The following ATAD2B variants were observed in gnomAD, a reference collection of about 807,000 sequenced individuals.
The protein encoded by ATAD2B is ATPase family AAA domain containing 2B.
In ATAD2B, 40 loss-of-function variants were observed where a neutral mutation model predicts 167.6. That is an observed-to-expected ratio of 0.24 (90% CI 0.19 to 0.31). ATAD2B has a LOEUF of 0.31. Ranked by LOEUF, ATAD2B falls within the 10% of genes least tolerant of loss-of-function variation. The pLI is 1.00. For synonymous variants in ATAD2B, 579 were observed against 596.5 expected (o/e 0.97, Z 0.43); for missense variants, 1,242 against 1,757.2 (o/e 0.71, Z 5.24).
intron 20 of ATAD2B, among the ~76,000 whole-genome samples, 191 bp from the exon 21 acceptor site, chr2:23,786,414 C>T (rs1680821987): frequency 3.3e-5 from 5 of 151,960 alleles, no homozygotes; most frequent in Admixed American, 3.3e-4. Context: ...AAGAGTATAC[C>T]TGCACAAACC....
At chr2:23,770,743 A>G (rs1283504523) in intron 22 of ATAD2B, among the ~76,000 whole-genome samples, 1 of 152,212 alleles carries the variant, frequency 6.6e-6, no homozygotes, top group South Asian at 2.1e-4. Context: ...AGATTACTGT[A>G]ACTTTTTAAG....
In ATAD2B at chr2:23,834,198, G is replaced by A. The variant is rs796591013; in HGVS notation, c.1569-120C>T. ...TTTTTTTGAGATGGAGTGTCATTCC[G>A]TTGCCCAGGCTGGAGGGCAGTGGTG... On this transcript the variant is annotated intron_variant, in intron 13 of 27. Coordinates refer to ENST00000238789, the MANE Select transcript of ATAD2B (RefSeq NM_017552.4). 20 of 612,580 alleles carry A rather than the reference G, an allele frequency of 3.3e-5. 1 individual carries two copies. The highest frequency in any genetic ancestry group is 2.8e-4 in the African/African-American group (11 of 39,354). 37.9% of individuals were successfully genotyped at this position (612,580 alleles called of 1,614,324 possible). A position where few individuals can be genotyped will look rare whatever the true frequency, so the allele number is the denominator to read the frequency against.
At chr2:23,878,585 G>C (rs1293633443) in intron 7 of ATAD2B, among the ~76,000 whole-genome samples, 1 of 152,050 alleles carries the variant, frequency 6.6e-6, no homozygotes, top group Non-Finnish European at 1.5e-5. Context: ...CATGAACCTG[G>C]GAGGCGGAGC....
chr2:23,782,555 C>T (rs1021224812), intron 22 of ATAD2B, among the ~76,000 whole-genome samples: 3 of 152,044 alleles, frequency 2.0e-5, no homozygotes, highest in Non-Finnish European at 4.4e-5. Context: ...TCCATGAATT[C>T]GAAATTCTGA....
At chr2:23,921,659 G>C (rs998720375) in intron 1 of ATAD2B, among the ~76,000 whole-genome samples, 2 of 152,178 alleles carry the variant, frequency 1.3e-5, no homozygotes, top group African/African-American at 4.8e-5. Flanking sequence ...GAAATAGCCT[G>C]TAACTGAATT....
rs111502441 is a variant in ATAD2B at position 23,862,556 on chromosome 2, G to A, written c.1479+825C>T. Reference sequence around the variant, plus strand: ...CTCTTAAAATATCGGGATTACAGGCGTCAGCCACTGTGCCCAGCTGGAATA... The same window carrying A: ...CTCTTAAAATATCGGGATTACAGGCATCAGCCACTGTGCCCAGCTGGAATA... On this transcript the variant is annotated intron_variant, in intron 12 of 27. Transcript: ENST00000238789. Among the ~76,000 whole-genome samples the A allele has an allele frequency of 7.0e-3, 1,070 of 152,112 alleles. 15 individuals are homozygous for A. Among genetic ancestry groups the A allele is most frequent in the African/African-American group, 0.022 (930 of 41,490 alleles).
At chr2:23,737,887 AG>A in the ATAD2B span, among the ~76,000 whole-genome samples, 15 of 152,342 alleles carry the variant, frequency 9.8e-5, no homozygotes, top group African/African-American at 3.4e-4. Flanking sequence ...AAGGCACGAG[AG>A]CTACGTGACG....
At chr2:23,880,600 C>T in intron 7 of ATAD2B, 39 bp downstream of exon 7, 1 of 1,159,398 alleles carries the variant, frequency 8.6e-7, no homozygotes, top group Non-Finnish European at 1.2e-6. Flanking sequence ...ATAAGTTACT[C>T]AACTACCAGA....
rs536420891 is a variant in ATAD2B at position 23,791,704 on chromosome 2, T to C, written c.2641-3057A>G. On this transcript the variant is annotated intron_variant, in intron 19 of 27. Transcript: ENST00000238789. ...TTCAAGCTTCATCCATGTTACAACA[T>C]GCATCAAAATTTTCTCCTTTTTAAG... is the stretch of plus-strand genomic sequence containing the variant. 7.2e-5 allele frequency among the ~76,000 whole-genome samples: 11 copies of C among 152,356 alleles called. No individual in the cohort carries two copies. The South Asian group carries it at 1.0e-3, about 14-fold the overall frequency.
chr2:23,788,458 G>C, intron 20 of ATAD2B, 54 bp downstream of exon 20: 1 of 1,562,282 alleles, frequency 6.4e-7, no homozygotes, highest in Non-Finnish European at 8.7e-7. Flanking sequence ...CTCCAAGAAA[G>C]GGTATTTCTT....
the ATAD2B span, chr2:23,691,992 A>T: frequency 9.9e-7 from 1 of 1,011,168 alleles, no homozygotes; most frequent in Non-Finnish European, 1.4e-6. Flanking sequence ...AAGCTCCCTC[A>T]CATGTGGCTG....
chr2:23,805,153 AAAAAG>A (rs1684169973), intron 18 of ATAD2B, among the ~76,000 whole-genome samples: 2 of 152,034 alleles, frequency 1.3e-5, no homozygotes, highest in Non-Finnish European at 2.9e-5. Flanking sequence ...CAAAAAAAAA[AAAAAG>A]AAAAGAAAAG....
chr2:23,863,248 G>C (rs1015591077), intron 12 of ATAD2B, 133 bp downstream of exon 12: 4 of 818,920 alleles, frequency 4.9e-6, no homozygotes, highest in African/African-American at 1.7e-5. Flanking sequence ...TGTCAAGACA[G>C]TAGTGAGACG....
At chr2:23,807,123 C>A (rs866037589) in intron 18 of ATAD2B, among the ~76,000 whole-genome samples, 2 of 152,262 alleles carry the variant, frequency 1.3e-5, no homozygotes, top group South Asian at 4.2e-4. Flanking sequence ...TATAGTGGTT[C>A]ACTCCCAATG....
At chr2:23,700,225 G>A in the ATAD2B span, among the ~76,000 whole-genome samples, 1 of 152,100 alleles carries the variant, frequency 6.6e-6, no homozygotes, top group South Asian at 2.1e-4. This position sits in a 1 kb window ranked among gnomAD's most constrained non-coding sequence, Gnocchi z 4.6. Flanking sequence ...ATTAAAACAA[G>A]ACCTGTTTTC....
rs189429978 is a variant in ATAD2B, at chr2:23,821,254, G to C, written c.2132-1372C>G. ...ACATAGATAATAATGCTATAAAATG[G>C]TAATTCACAAATGGAGATAAAAAGC... On this transcript the variant is annotated intron_variant, in intron 16 of 27. Transcript: ENST00000238789. Among the ~76,000 whole-genome samples the C allele has an allele frequency of 4.6e-5, 7 of 152,268 alleles. No individual in the cohort carries two copies. The East Asian group carries it at 1.3e-3, about 29-fold the overall frequency.
intron 1 of ATAD2B, among the ~76,000 whole-genome samples, chr2:23,921,230 A>AC (rs1703890851): frequency 7.1e-6 from 1 of 141,544 alleles, no homozygotes. Flanking sequence ...AAAAAAAAAA[A>AC]CAACCCAAAG....
At chr2:23,836,235 C>A (rs1572970263) in intron 13 of ATAD2B, among the ~76,000 whole-genome samples, 1 of 152,162 alleles carries the variant, frequency 6.6e-6, no homozygotes, top group Non-Finnish European at 1.5e-5. Flanking sequence ...GCGGGCAGCT[C>A]CAGGTGTTGG....
chr2:23,867,437 G>C (rs1046882843), intron 10 of ATAD2B, among the ~76,000 whole-genome samples: 6 of 152,148 alleles, frequency 3.9e-5, no homozygotes, highest in African/African-American at 1.2e-4. Context: ...CACTACTCCA[G>C]ATTACTAGAC....
Sources: gnomAD v4.1 joint callset for allele counts (sites outside exome capture counted in the v4.1 genomes callset) on GRCh38, gnomAD v4.1.1 for gene constraint, Gnocchi (gnomAD v3.1) non-coding constraint, MANE v1.5 for transcripts, NCBI Gene and HGNC (gene_info 2026-07-23, HGNC 2026-07-21) for gene names.